Variants in ZCCHC2 observed in about 807,000 individuals in gnomAD.
ZCCHC2 encodes zinc finger CCHC-type containing 2, also known as zinc finger CCHC domain-containing protein 2.
Under a neutral mutation model 103.6 loss-of-function variants are expected in ZCCHC2, and 39 were observed. The ratio of observed to expected loss-of-function variants is 0.38; its 90% CI spans 0.29 to 0.49. The LOEUF (loss-of-function observed/expected upper bound fraction) is 0.49, where lower values mean the gene tolerates loss of function less well. Among genes scored for constraint, ZCCHC2 ranks in the 20% least tolerant of loss-of-function variants. ZCCHC2 has a pLI of 0.96. For synonymous variants in ZCCHC2, 687 were observed against 608.9 expected (o/e 1.13, Z -1.89); for missense variants, 1,483 against 1,491.0 (o/e 0.99, Z 0.09).
At chr18:62,541,884 T>C (rs1915202978) in intron 2 of ZCCHC2, among the ~76,000 whole-genome samples, 1 of 152,210 alleles carries the variant, frequency 6.6e-6, no homozygotes, top group Non-Finnish European at 1.5e-5. Context: ...ATAATTTATG[T>C]TTACTATTTT....
intron 6 of ZCCHC2, 48 bp downstream of exon 6, chr18:62,556,345 T>TTTATTGC (rs2145513823): frequency 7.1e-7 from 1 of 1,409,246 alleles, no homozygotes; most frequent in East Asian, 2.5e-5. Flanking sequence ...TTTGTTGGAT[T>TTTATTGC]TTATTGCTTT....
Position 62,576,659 on chromosome 18 carries a change from T to A in ZCCHC2, c.*80T>A. On this transcript the variant is annotated 3_prime_UTR_variant, in exon 14 of 14. Transcript: ENST00000269499. ...GGAGGGGAGGAAAGGAAAGGTATTT[T>A]GTTTCTTTGTCTATACATTTCCTAG... is the stretch of plus-strand genomic sequence containing the variant. 1.5e-6 allele frequency: 2 copies of A among 1,369,836 alleles called. No individual in the cohort carries two copies. The highest frequency in any genetic ancestry group is 2.0e-6 in the Non-Finnish European group (2 of 981,630). 84.9% of individuals were successfully genotyped at this position (1,369,836 alleles called of 1,614,324 possible).
chr18:62,575,093 G>T lies in ZCCHC2; in HGVS notation c.3012G>T (p.Pro1004=), dbSNP rs776306710. ...ACGCTAATGGGACAGTAGTGCCACC[G>T]CAGCAGATGGGCTCAGGTCCTTGTG... is the stretch of plus-strand genomic sequence containing the variant. ...NTNANGTVVP[P]QQMGSGPCGS... Residue 1004 remains proline, a synonymous_variant, in exon 13 of 14, where the codon CCG becomes CCT. Transcript: ENST00000269499. 3.1e-6 allele frequency: 5 copies of T among 1,613,980 alleles called. No homozygotes were observed. The South Asian group carries it at 5.5e-5, about 18-fold the overall frequency.
chr18:62,543,129 T>G (rs973959881), intron 3 of ZCCHC2, among the ~76,000 whole-genome samples: 1 of 152,138 alleles, frequency 6.6e-6, no homozygotes, highest in Non-Finnish European at 1.5e-5. Flanking sequence ...TCTCCCTGCT[T>G]GAGCTACGCC....
intron 4 of ZCCHC2, among the ~76,000 whole-genome samples, chr18:62,549,250 C>G (rs1915560532): frequency 6.6e-6 from 1 of 152,134 alleles, no homozygotes; most frequent in African/African-American, 2.4e-5. Flanking sequence ...AGATTCAGAC[C>G]TGGTGGTCAG....
At chr18:62,527,727 C>A (rs1203884144) in intron 1 of ZCCHC2, among the ~76,000 whole-genome samples, 4 of 152,136 alleles carry the variant, frequency 2.6e-5, no homozygotes, top group Non-Finnish European at 4.4e-5. Flanking sequence ...GTGATTGTTA[C>A]AATCCTGTGT....
intron 13 of ZCCHC2, among the ~76,000 whole-genome samples, chr18:62,576,264 A>G (rs1258585309): frequency 6.6e-6 from 1 of 152,234 alleles, no homozygotes; most frequent in Non-Finnish European, 1.5e-5. Context: ...AGAAACAAAA[A>G]AAGTCTTAAA....
At position 62,524,117 on chromosome 18, in the gene ZCCHC2, C is replaced by G. The variant is rs535474174; in HGVS notation, c.693C>G (p.Ala231=). 48 of 1,527,302 alleles carry G rather than the reference C, an allele frequency of 3.1e-5. No homozygotes were observed. In the Middle Eastern group the frequency reaches 8.7e-4, roughly 28 times the overall value. The allele number at this position is 1,527,302 out of a possible 1,614,324, so 94.6% of individuals were successfully genotyped here. A position where few individuals can be genotyped will look rare whatever the true frequency, so the allele number is the denominator to read the frequency against. The part of the protein sequence containing the change: ...RGEDGDGEQD[A]EKDGSGPEGG... Reference sequence around the variant, plus strand: ...AGGACGGCGACGGCGAGCAGGACGCCGAGAAGGACGGCTCAGGCCCGGAAG... The same window carrying G: ...AGGACGGCGACGGCGAGCAGGACGCGGAGAAGGACGGCTCAGGCCCGGAAG... Residue 231 remains alanine, a synonymous_variant, in exon 1 of 14, where the codon GCC becomes GCG. Transcript: ENST00000269499.
At chr18:62,539,443 ATAT>A (rs1049466662) in intron 1 of ZCCHC2, 16 of 391,666 alleles carry the variant, frequency 4.1e-5, no homozygotes, top group African/African-American at 3.1e-4. Flanking sequence ...GCAACTCTGT[ATAT>A]TATTAAGCAA....
At chr18:62,564,667 G>T (rs1402060208) in intron 10 of ZCCHC2, 32 bp downstream of exon 10, 2 of 1,472,898 alleles carry the variant, frequency 1.4e-6, no homozygotes, top group Non-Finnish European at 1.8e-6. Flanking sequence ...ACAGCATATA[G>T]CCTTTGATAA....
At position 62,574,072 on chromosome 18, in the gene ZCCHC2, C is replaced by G. The variant is rs1916699776; in HGVS notation, c.1991C>G (p.Ser664Cys). Residue 664 changes from serine to cysteine, a missense_variant, in exon 13 of 14, where the codon TCT becomes TGT. By Grantham distance (112) the Ser-to-Cys change is moderately radical. Coordinates refer to ENST00000269499, the MANE Select transcript of ZCCHC2 (RefSeq NM_017742.6). ...TTTTCTTTAGACACAGACAGCAATT[C>G]TGAGGATTCTGGGAATCCATCAACA... ...EEKDRDTDSN[S>C]EDSGNPSTTR... The G allele has an allele frequency of 6.2e-7, 1 of 1,613,142 alleles. No homozygotes were observed. The highest frequency in any genetic ancestry group is 2.2e-5 in the East Asian group (1 of 44,870).
chr18:62,586,459 C>T (rs1200921529), exon 15 of ZCCHC2: 3 of 151,450 alleles, frequency 2.0e-5, no homozygotes, highest in Non-Finnish European at 4.4e-5. Context: ...TCTCGGACTC[C>T]TCTCTGCTTG....
At chr18:62,556,856 A>G (rs940345489) in intron 6 of ZCCHC2, among the ~76,000 whole-genome samples, 1 of 152,134 alleles carries the variant, frequency 6.6e-6, no homozygotes, top group African/African-American at 2.4e-5. Context: ...CTCAGATTCT[A>G]GTTTCCCACT....
At chr18:62,527,054 A>G (rs1914456442) in intron 1 of ZCCHC2, 1 of 121,368 alleles carries the variant, frequency 8.2e-6, no homozygotes, top group African/African-American at 3.2e-5. Context: ...AGACACAAGT[A>G]TGCAATTTTA....
intron 8 of ZCCHC2, among the ~76,000 whole-genome samples, chr18:62,561,133 C>T (rs1916097730): frequency 6.6e-6 from 1 of 152,178 alleles, no homozygotes; most frequent in African/African-American, 2.4e-5. Context: ...TGAGCATCCA[C>T]CTATGATCAT....
chr18:62,560,641 T>G lies in ZCCHC2; in HGVS notation c.1547T>G (p.Val516Gly). 1 of 1,612,578 alleles carries G rather than the reference T, an allele frequency of 6.2e-7. No homozygotes were observed. Among genetic ancestry groups the G allele is most frequent in the Non-Finnish European group, 8.5e-7 (1 of 1,178,962 alleles). ...AAGCATACTGGGAAAAGTCCCATTG[T>G]GAAGTAAGTATCCTCTTTCTAAAAC... The part of the protein sequence containing the change: ...HKKHTGKSPI[V>G]NNIGTSCSPL... The change falls in exon 8 of 14, where the codon GTG becomes GGG. Residue 516 changes from valine to glycine, a missense_variant. Val to Gly is a moderately radical substitution (Grantham distance 109). This residue lies in a region of ZCCHC2 where 884 missense variants were observed against 907.5 expected (regional missense o/e 0.97). Transcript: ENST00000269499.
chr18:62,537,760 C>T (rs1914992654), intron 1 of ZCCHC2, among the ~76,000 whole-genome samples: 1 of 152,128 alleles, frequency 6.6e-6, no homozygotes, highest in Non-Finnish European at 1.5e-5. Context: ...ATTATGTTTG[C>T]ATTTCTGCTT....
chr18:62,526,138 A>G lies in ZCCHC2; in HGVS notation c.939+1775A>G, dbSNP rs558544437. 7.2e-5 allele frequency: 11 copies of G among 152,048 alleles called. No homozygotes were observed. The East Asian group carries it at 2.1e-3, about 29-fold the overall frequency. 9.4% of individuals were successfully genotyped at this position (152,048 alleles called of 1,614,324 possible). A position where few individuals can be genotyped will look rare whatever the true frequency, so the allele number is the denominator to read the frequency against. The stretch of plus-strand genomic sequence containing the variant: ...TAAGCGTGTTGGAGGGCAAGTAGAG[A>G]AAGGGGAGGGATGCATGCAGACCAG... On this transcript the variant is annotated intron_variant, in intron 1 of 13. Coordinates refer to ENST00000269499, the MANE Select transcript of ZCCHC2 (RefSeq NM_017742.6).
exon 15 of ZCCHC2, chr18:62,584,684 C>G (rs1051619544): frequency 6.6e-6 from 1 of 152,214 alleles, no homozygotes; most frequent in Non-Finnish European, 1.5e-5. Context: ...TTGAGCAAAC[C>G]CCTCATTCAG....
Sources: gnomAD v4.1 joint callset for allele counts (sites outside exome capture counted in the v4.1 genomes callset) on GRCh38, gnomAD v4.1.1 for gene constraint, gnomAD v4.1.1 regional missense constraint, MANE v1.5 for transcripts, NCBI Gene and HGNC (gene_info 2026-07-23, HGNC 2026-07-21) for gene names.